Variants in MACROD2 observed in about 807,000 individuals in gnomAD.
MACROD2 encodes mono-ADP ribosylhydrolase 2.
MACROD2 carries 36 observed loss-of-function variants against 70.4 expected under a neutral mutation model. The observed-to-expected ratio is 0.51, with a 90% CI of 0.39 to 0.68. The LOEUF is 0.68. Ranked by LOEUF, MACROD2 falls within the 30% of genes least tolerant of loss-of-function variation. MACROD2 has a pLI of 0.00. For synonymous variants in MACROD2, 172 were observed against 178.8 expected, an observed-to-expected ratio of 0.96 and a Z score of 0.30; for missense variants, 496 against 538.4, an observed-to-expected ratio of 0.92 and a Z score of 0.78.
chr20:14,586,960 G>C (rs1320479359), intron 4 of MACROD2, among the ~76,000 whole-genome samples: 1 of 151,580 alleles, frequency 6.6e-6, no homozygotes, highest in Non-Finnish European at 1.5e-5. Context: ...TCAGATAAAC[G>C]TAGAAATTAT....
At chr20:15,203,009 A>G (rs1395536593) in intron 5 of MACROD2, among the ~76,000 whole-genome samples, 1 of 152,184 alleles carries the variant, frequency 6.6e-6, no homozygotes, top group East Asian at 1.9e-4. Context: ...TTGAAGAAAG[A>G]AGAAAAAATA....
chr20:15,945,004 A>G (rs77771347), intron 12 of MACROD2, among the ~76,000 whole-genome samples: 2,087 of 152,230 alleles, frequency 0.014, 45 homozygotes, highest in African/African-American at 0.047. Context: ...CTCTTCTTCC[A>G]ACTACTTGGG....
chr20:14,993,717 A>G (rs2074925978), intron 5 of MACROD2, among the ~76,000 whole-genome samples: 1 of 152,224 alleles, frequency 6.6e-6, no homozygotes, highest in East Asian at 1.9e-4. Flanking sequence ...AGACAGTTGA[A>G]GACTAATTTC....
rs754829110 is a variant in MACROD2, at chr20:16,049,812, G to A, written c.1301-18G>A. 5.0e-6 allele frequency: 8 copies of A among 1,612,812 alleles called. No individual in the cohort carries two copies. In the African/African-American group the frequency reaches 6.7e-5, roughly 13 times the overall value. On this transcript the variant is annotated intron_variant, in intron 17 of 17. Coordinates refer to ENST00000684519, the MANE Select transcript of MACROD2 (RefSeq NM_001351661.2). ...TGTCTTATCTTTAATCTAACAAATGGCTTCTCTTTGTCTTCAGCAGGGGCA... is the reference window on the plus strand; with the variant it reads ...TGTCTTATCTTTAATCTAACAAATGACTTCTCTTTGTCTTCAGCAGGGGCA...
In MACROD2 at chr20:14,126,992, C is replaced by T. The variant is rs149105014; in HGVS notation, c.271+41264C>T. On this transcript the variant is annotated intron_variant, in intron 3 of 17. Coordinates refer to ENST00000684519, the MANE Select transcript of MACROD2 (RefSeq NM_001351661.2). ...TCAAGTGAAAGGAAGAGTCACATGT[C>T]TCTCACTTTCAATCAAAAGCTGGAA... 3.5e-4 allele frequency among the ~76,000 whole-genome samples: 53 copies of T among 152,276 alleles called. 1 individual carries two copies. In the East Asian group the frequency reaches 9.4e-3, roughly 27 times the overall value.
chr20:15,485,848 G>T (rs1286881103), intron 7 of MACROD2, among the ~76,000 whole-genome samples: 1 of 152,008 alleles, frequency 6.6e-6, no homozygotes, highest in East Asian at 1.9e-4. Context: ...GTAAAACTTA[G>T]AAATCCAAAA....
chr20:14,634,391 G>T (rs558345954), intron 4 of MACROD2, among the ~76,000 whole-genome samples: 1 of 152,258 alleles, frequency 6.6e-6, no homozygotes, highest in South Asian at 2.1e-4. Flanking sequence ...TTTTGTAAAG[G>T]CCACCACTGG....
At chr20:14,717,749 G>C (rs1193610964) in intron 5 of MACROD2, among the ~76,000 whole-genome samples, 1 of 152,096 alleles carries the variant, frequency 6.6e-6, no homozygotes, top group East Asian at 1.9e-4. Flanking sequence ...TGGGATGTTG[G>C]AAGTGGTTTT....
chr20:15,956,094 G>A (rs908185142), intron 12 of MACROD2, among the ~76,000 whole-genome samples: 27 of 152,170 alleles, frequency 1.8e-4, no homozygotes, highest in African/African-American at 6.0e-4. Flanking sequence ...GACTCACCAC[G>A]TCACAAATAC....
intron 3 of MACROD2, among the ~76,000 whole-genome samples, chr20:14,180,472 G>A (rs986855832): frequency 6.6e-6 from 1 of 152,096 alleles, no homozygotes; most frequent in African/African-American, 2.4e-5. Flanking sequence ...ATAATAAAGA[G>A]TATAATTGCT....
intron 10 of MACROD2, among the ~76,000 whole-genome samples, chr20:15,890,416 A>C (rs910914616): frequency 2.0e-5 from 3 of 152,196 alleles, no homozygotes; most frequent in African/African-American, 7.2e-5. Context: ...TAGAAGGGTT[A>C]GATTTTTCTC....
At chr20:14,878,251 A>G (rs1241333115) in intron 5 of MACROD2, among the ~76,000 whole-genome samples, 1 of 152,176 alleles carries the variant, frequency 6.6e-6, no homozygotes, top group African/African-American at 2.4e-5. Context: ...GAAAGAGAAC[A>G]TCCTTAAACC....
chr20:14,756,623 T>G (rs1290691216), intron 5 of MACROD2, among the ~76,000 whole-genome samples: 1 of 152,114 alleles, frequency 6.6e-6, no homozygotes, highest in Non-Finnish European at 1.5e-5. Context: ...TTCCTCAATC[T>G]TGATCTAATG....
At chr20:14,337,336 C>A in intron 3 of MACROD2, 20 of 248,158 alleles carry the variant, frequency 8.1e-5, no homozygotes, top group Non-Finnish European at 1.1e-4. Context: ...CAAGTCGTTT[C>A]TTTCTAGAGA....
chr20:14,288,831 T>C (rs891759145), intron 3 of MACROD2, among the ~76,000 whole-genome samples: 1 of 152,168 alleles, frequency 6.6e-6, no homozygotes, highest in African/African-American at 2.4e-5. Flanking sequence ...TCTTAAAACA[T>C]TTACTGAGAA....
At chr20:14,458,577 T>A (rs1475004272) in intron 3 of MACROD2, among the ~76,000 whole-genome samples, 1 of 152,058 alleles carries the variant, frequency 6.6e-6, no homozygotes, top group East Asian at 1.9e-4. Context: ...AGCTTCTAGG[T>A]TGGTGAGCAC....
At chr20:14,210,734 G>GT (rs2122131622) in intron 3 of MACROD2, among the ~76,000 whole-genome samples, 1 of 152,284 alleles carries the variant, frequency 6.6e-6, no homozygotes, top group South Asian at 2.1e-4. Context: ...ATATTCAAGT[G>GT]TACAAATACA....
chr20:14,497,458 A>G lies in MACROD2; in HGVS notation c.301+3950A>G, dbSNP rs140734858. On this transcript the variant is annotated intron_variant, in intron 4 of 17. Coordinates refer to ENST00000684519, the MANE Select transcript of MACROD2 (RefSeq NM_001351661.2). ...AAGTAGAATTAGAAAGAAAAATCAGAACTGAAGAGCTAATTCCTCACTTCC... is the reference window on the plus strand; with the variant it reads ...AAGTAGAATTAGAAAGAAAAATCAGGACTGAAGAGCTAATTCCTCACTTCC... Among the ~76,000 whole-genome samples the G allele has an allele frequency of 6.2e-3, 935 of 151,928 alleles. 35 individuals are homozygous for G. The highest frequency in any genetic ancestry group is 0.021 in the African/African-American group (873 of 41,180).
chr20:15,146,954 G>A (rs1393779472), intron 5 of MACROD2, among the ~76,000 whole-genome samples: 3 of 152,092 alleles, frequency 2.0e-5, no homozygotes, highest in Non-Finnish European at 4.4e-5. Flanking sequence ...AATCATTGAG[G>A]CCCCATTTTA....
Sources: gnomAD v4.1 joint callset for allele counts (sites outside exome capture counted in the v4.1 genomes callset) on GRCh38, gnomAD v4.1.1 for gene constraint, MANE v1.5 for transcripts, NCBI Gene and HGNC (gene_info 2026-07-23, HGNC 2026-07-21) for gene names.